The following ZNF655 variants were observed in gnomAD, a reference collection of about 807,000 sequenced individuals.
ZNF655 encodes the protein zinc finger protein 655, also known as Vav-interacting Kruppel-like protein 1.
A neutral mutation model predicts 6.6 loss-of-function variants in ZNF655; 3 were observed. That is an observed-to-expected ratio of 0.46 (90% CI 0.21 to 1.18). ZNF655 has a LOEUF of 1.18. Among genes scored for constraint, ZNF655 ranks in the 50% most tolerant of loss-of-function variants. The pLI is 0.24. For missense variants in ZNF655, 526 were observed against 572.3 expected (o/e 0.92, Z 0.83); for synonymous variants, 178 against 195.0 (o/e 0.91, Z 0.73).
intron 2 of ZNF655, chr7:99,562,183 C>A: frequency 1.2e-6 from 1 of 818,174 alleles, no homozygotes; most frequent in Non-Finnish European, 1.8e-6. Flanking sequence ...TCTCTTTGTC[C>A]ATGGTTGTGT....
intron 2 of ZNF655, chr7:99,561,088 C>T (rs911749563): frequency 3.2e-5 from 5 of 158,558 alleles, no homozygotes; most frequent in African/African-American, 1.2e-4. Flanking sequence ...CTTAGTTTTT[C>T]TTTGCTTTGT....
chr7:99,567,492 A>G (rs919345917), intron 2 of ZNF655, among the ~76,000 whole-genome samples: 1 of 151,110 alleles, frequency 6.6e-6, no homozygotes, highest in African/African-American at 2.4e-5. Flanking sequence ...AGATCGTGCC[A>G]TTGCACTCCA....
chr7:99,573,531 C>CA lies in ZNF655; in HGVS notation c.1424dup (p.Arg476GlufsTer50). The CA allele has an allele frequency of 6.2e-7, 1 of 1,609,538 alleles. No individual in the cohort carries two copies. The highest frequency in any genetic ancestry group is 8.5e-7 in the Non-Finnish European group (1 of 1,179,968). On this transcript the variant is annotated frameshift_variant, in exon 3 of 3. Coordinates refer to ENST00000252713, the MANE Select transcript of ZNF655 (RefSeq NM_138494.3). LOFTEE classifies it high-confidence loss of function. Reference sequence around the variant, plus strand: ...TGATGTATGGGAAAAGAACTCCAGTCAGAGAGCACATCTAGTTCAACATCA... The same window carrying CA: ...TGATGTATGGGAAAAGAACTCCAGTCAAGAGAGCACATCTAGTTCAACATCA...
Position 99,576,232 on chromosome 7 carries a change from ATGAAT to A in ZNF655, c.*2652_*2656del, listed in dbSNP as rs1804388154. 1 of 152,688 alleles carries A rather than the reference ATGAAT, an allele frequency of 6.5e-6. No individual in the cohort carries two copies. Among genetic ancestry groups the A allele is most frequent in the Admixed American group, 6.5e-5 (1 of 15,284 alleles). 9.5% of individuals were successfully genotyped at this position (152,688 alleles called of 1,614,324 possible). A position where few individuals can be genotyped will look rare whatever the true frequency, so the allele number is the denominator to read the frequency against. On this transcript the variant is annotated 3_prime_UTR_variant, in exon 3 of 3. Transcript: ENST00000252713. ...GAATCTAAATGAAATTGATATATAA[ATGAAT>A]TGATCTAAATGTAAAAGCAAATGAA...
At chr7:99,565,374 T>C (rs1192939056) in intron 2 of ZNF655, among the ~76,000 whole-genome samples, 1 of 152,160 alleles carries the variant, frequency 6.6e-6, no homozygotes, top group Non-Finnish European at 1.5e-5. Flanking sequence ...TTTTGCCATC[T>C]TAGCCAGGAT....
intron 2 of ZNF655, chr7:99,562,387 A>G (rs1035697405): frequency 4.3e-6 from 7 of 1,614,122 alleles, no homozygotes; most frequent in Middle Eastern, 1.6e-4. Flanking sequence ...ACATTCGAGG[A>G]TGTGGCTGTG....
chr7:99,567,950 C>G (rs1803756858), intron 2 of ZNF655, among the ~76,000 whole-genome samples: 1 of 151,012 alleles, frequency 6.6e-6, no homozygotes, highest in African/African-American at 2.4e-5. Context: ...TTGCAGCTAC[C>G]CAGGAGGCTG....
In ZNF655 at chr7:99,572,737, A is replaced by T. The variant is rs369268619; in HGVS notation, c.629A>T (p.Lys210Ile). 15 of 1,613,034 alleles carry T rather than the reference A, an allele frequency of 9.3e-6. No homozygotes were observed. Among genetic ancestry groups the T allele is most frequent in the Middle Eastern group, 1.9e-4 (1 of 5,366 alleles). The change falls in exon 3 of 3, where the codon AAA becomes ATA. Residue 210 changes from lysine to isoleucine, a missense_variant. Lys to Ile is a moderately radical substitution (Grantham distance 102). Coordinates refer to ENST00000252713, the MANE Select transcript of ZNF655 (RefSeq NM_138494.3). ...TGGGAGAGCATCCCTAACACTGAGA[A>T]ATCCTATAAATGTGATGTATGTGGG... Reference protein sequence around the residue: ...NKWESIPNTEKSYKCDVCGKI... With the variant: ...NKWESIPNTEISYKCDVCGKI...
rs1378247368 is a variant in ZNF655 at position 99,572,019 on chromosome 7, T to G, written c.137-226T>G. Among the ~76,000 whole-genome samples the G allele has an allele frequency of 2.0e-5, 3 of 152,160 alleles. No individual in the cohort carries two copies. In the South Asian group the frequency reaches 6.2e-4, roughly 32 times the overall value. ...GCTTATCTAAAATTCTTTCAGCTGT[T>G]TCCCTATTATTTCCTTACTCTGCTG... On this transcript the variant is annotated intron_variant, in intron 2 of 2. Transcript: ENST00000252713.
intron 2 of ZNF655, chr7:99,562,639 GTCT>G (rs1803289605): frequency 1.3e-6 from 1 of 766,866 alleles, no homozygotes; most frequent in Admixed American, 3.5e-5. Context: ...CTTTCACATC[GTCT>G]TCTCCGGGAG....
In ZNF655 at chr7:99,572,778, A is replaced by C; in HGVS notation, c.670A>C (p.Ser224Arg). ...TGTATGTGGGAAAATTTTCCATCAG[A>C]GCTCAGCCCTTACTAGACATCAGAG... ...CDVCGKIFHQ[S>R]SALTRHQRIH... The change falls in exon 3 of 3, where the codon AGC (serine) becomes CGC (arginine). Residue 224 changes from serine (S) to arginine (R), a missense_variant. By Grantham distance (110) the Ser-to-Arg change is moderately radical. Coordinates refer to ENST00000252713, the MANE Select transcript of ZNF655 (RefSeq NM_138494.3). 6.2e-7 allele frequency: 1 copy of C among 1,613,236 alleles called. No individual in the cohort carries two copies.
chr7:99,572,509 C>T lies in ZNF655; in HGVS notation c.401C>T (p.Pro134Leu), dbSNP rs139434238. Reference protein sequence around the residue: ...TSEKNNECHEPEKSFSLDSTI... With the variant: ...TSEKNNECHELEKSFSLDSTI... ...GAGAAGAACAATGAATGTCATGAAC[C>T]CGAAAAAAGCTTCAGTCTGGACTCT... The change falls in exon 3 of 3, where the codon CCC (proline) becomes CTC (leucine). Residue 134 changes from proline (P) to leucine (L), a missense_variant. By Grantham distance (98) the Pro-to-Leu change is moderately conservative. Coordinates refer to ENST00000252713, the MANE Select transcript of ZNF655 (RefSeq NM_138494.3). The T allele has an allele frequency of 5.5e-5, 89 of 1,613,794 alleles. No homozygotes were observed. In the African/African-American group the frequency reaches 1.1e-3, roughly 19 times the overall value.
chr7:99,567,800 G>A (rs1290002566), intron 2 of ZNF655, among the ~76,000 whole-genome samples: 1 of 151,866 alleles, frequency 6.6e-6, no homozygotes, highest in African/African-American at 2.4e-5. Context: ...GGTGGCTCAC[G>A]CCTGTAATCC....
intron 2 of ZNF655, chr7:99,563,359 C>G (rs1803358361): frequency 5.7e-6 from 1 of 175,784 alleles, no homozygotes; most frequent in Non-Finnish European, 1.1e-5. Context: ...ACTCTTGTTG[C>G]CCAGGCTGGA....
rs148581534 is a variant in ZNF655, at chr7:99,562,450, A to G, written c.136+1755A>G. On this transcript the variant is annotated intron_variant, in intron 2 of 2. Coordinates refer to ENST00000252713, the MANE Select transcript of ZNF655 (RefSeq NM_138494.3). ...CTGGACCCTGTTCAGAGGGACCTCT[A>G]CAGAGAAGTGATGTTAGAGAATTAT... 22 of 1,614,046 alleles carry G rather than the reference A, an allele frequency of 1.4e-5. No homozygotes were observed. In the African/African-American group the frequency reaches 2.1e-4, roughly 16 times the overall value.
At chr7:99,569,011 T>C (rs1803840912) in intron 2 of ZNF655, among the ~76,000 whole-genome samples, 1 of 151,682 alleles carries the variant, frequency 6.6e-6, no homozygotes, top group Non-Finnish European at 1.5e-5. Flanking sequence ...TCTCAGACTC[T>C]TGGGCTGAAG....
Position 99,572,683 on chromosome 7 carries a change from G to A in ZNF655, c.575G>A (p.Ser192Asn). Residue 192 changes from serine to asparagine, a missense_variant, in exon 3 of 3, where the codon AGC (serine) becomes AAC (asparagine). Ser to Asn is a conservative substitution (Grantham distance 46). Coordinates refer to ENST00000252713, the MANE Select transcript of ZNF655 (RefSeq NM_138494.3). ...EDFQSSECKE[S>N]LMDLSHLNKW... is the part of the protein sequence containing the mutation. ...TTTCAGAGTAGTGAATGTAAGGAAA[G>A]CTTAATGGATCTCTCCCACCTTAAT... The A allele has an allele frequency of 6.2e-7, 1 of 1,613,608 alleles. No homozygotes were observed.
chr7:99,568,248 T>A (rs1803780173), intron 2 of ZNF655, among the ~76,000 whole-genome samples: 1 of 150,492 alleles, frequency 6.6e-6, no homozygotes, highest in Admixed American at 6.6e-5. Context: ...TGGACTATTG[T>A]CTAGGGATTT....
chr7:99,573,005 A>G lies in ZNF655; in HGVS notation c.897A>G (p.Arg299=), dbSNP rs890753576. 11 of 1,614,074 alleles carry G rather than the reference A, an allele frequency of 6.8e-6. No homozygotes were observed. The Admixed American group carries it at 8.3e-5, about 12-fold the overall frequency. Residue 299 remains arginine (R), a synonymous_variant, in exon 3 of 3, where the codon AGA becomes AGG. Coordinates refer to ENST00000252713, the MANE Select transcript of ZNF655 (RefSeq NM_138494.3). Reference sequence around the variant, plus strand: ...TTCAGCATAAGAAAATTCACACCAGAGCCAAATCTTACAAATGTAGCAGTT... The same window carrying G: ...TTCAGCATAAGAAAATTCACACCAGGGCCAAATCTTACAAATGTAGCAGTT... ...GIIQHKKIHT[R]AKSYKCSSCE... is the part of the protein sequence containing the mutation.
Sources: allele counts gnomAD v4.1 joint callset (sites outside exome capture counted in the v4.1 genomes callset), GRCh38; gene constraint gnomAD v4.1.1; transcripts MANE v1.5; gene names NCBI Gene and HGNC (gene_info 2026-07-23, HGNC 2026-07-21).